The following PRCP variants were observed in gnomAD, a reference collection of about 807,000 sequenced individuals.
The protein encoded by PRCP is prolylcarboxypeptidase, also known as lysosomal Pro-X carboxypeptidase.
A neutral mutation model predicts 54.2 loss-of-function variants in PRCP; 46 were observed. The observed-to-expected ratio is 0.85, with a 90% CI of 0.67 to 1.09. PRCP has a LOEUF of 1.09. Among genes scored for constraint, PRCP ranks in the 50% least tolerant of loss-of-function variants. The probability of loss-of-function intolerance (pLI) is 0.00; values close to 1 mark genes in which losing one functional copy is unlikely to be tolerated. For synonymous variants in PRCP, 240 were observed against 212.2 expected, an observed-to-expected ratio of 1.13 and a Z score of -1.14; for missense variants, 613 against 596.8, an observed-to-expected ratio of 1.03 and a Z score of -0.28.
At chr11:82,881,311 T>C (rs1366305969) in intron 1 of PRCP, among the ~76,000 whole-genome samples, 2 of 152,260 alleles carry the variant, frequency 1.3e-5, no homozygotes. Context: ...TCTCACTTAA[T>C]GGCTGTGTGT....
chr11:82,896,176 A>G lies in PRCP; in HGVS notation c.168+4059T>C, dbSNP rs1190543236. Among the ~76,000 whole-genome samples the G allele has an allele frequency of 3.3e-5, 5 of 152,208 alleles. No homozygotes were observed. In the East Asian group the frequency reaches 7.7e-4, roughly 23 times the overall value. On this transcript the variant is annotated intron_variant, in intron 1 of 8. Transcript: ENST00000313010. ...TTTATGCACCATCCATGTGGCTTTC[A>G]TTTGTTACGACACTGAACTCTGACA... is the stretch of plus-strand genomic sequence containing the variant.
At position 82,844,331 on chromosome 11, in the gene PRCP, G is replaced by A. The variant is rs139189857; in HGVS notation, c.921+4718C>T. Among the ~76,000 whole-genome samples, 750 of 152,284 alleles carry A rather than the reference G, an allele frequency of 4.9e-3. 3 individuals carry two copies. Among genetic ancestry groups the A allele is most frequent in the Admixed American group, 6.6e-3 (101 of 15,308 alleles). On this transcript the variant is annotated intron_variant, in intron 6 of 8. Coordinates refer to ENST00000313010, the MANE Select transcript of PRCP (RefSeq NM_005040.4). Reference sequence around the variant, plus strand: ...CCAGTTACTCAGGAGGCTTAAGCAGGAGGATCCCTTGAGCCCAGGAGTTCA... The same window carrying A: ...CCAGTTACTCAGGAGGCTTAAGCAGAAGGATCCCTTGAGCCCAGGAGTTCA...
At chr11:82,838,722 C>T (rs1035299959) in intron 7 of PRCP, 148 bp from the exon 8 acceptor site, 24 of 681,704 alleles carry the variant, frequency 3.5e-5, no homozygotes, top group Admixed American at 2.1e-4. Flanking sequence ...TTTACTTCTG[C>T]GCCATATAAT....
rs750741679 is a variant in PRCP at position 82,850,001 on chromosome 11, C to T, written c.664G>A (p.Val222Ile). 98 of 1,557,310 alleles carry T rather than the reference C, an allele frequency of 6.3e-5. No individual in the cohort carries two copies. The highest frequency in any genetic ancestry group is 1.8e-4 in the Middle Eastern group (1 of 5,668). The change falls in exon 5 of 9, where the codon GTA becomes ATA. Residue 222 changes from valine (V) to isoleucine (I), a missense_variant. Val to Ile is a conservative substitution (Grantham distance 29). Transcript: ENST00000313010. The stretch of plus-strand genomic sequence containing the variant: ...CCGCTTTTCCTAAAATCTGTAGTTA[C>T]GATCTTCATAAATACACCACAAGGT... ...LVPCGVFMKIVTTDFRKSGPH... is the reference protein window; with the variant it reads ...LVPCGVFMKIITTDFRKSGPH...
At chr11:82,836,679 G>C (rs546458815) in intron 8 of PRCP, among the ~76,000 whole-genome samples, 17 of 152,248 alleles carry the variant, frequency 1.1e-4, no homozygotes, top group African/African-American at 4.1e-4. Flanking sequence ...CTCCTGAGTA[G>C]CTGAGACTGC....
At chr11:82,841,137 T>A (rs1390512605) in intron 6 of PRCP, among the ~76,000 whole-genome samples, 1 of 136,248 alleles carries the variant, frequency 7.3e-6, no homozygotes, top group Non-Finnish European at 1.6e-5. Context: ...GGGAGAGAGA[T>A]TCTGGGCAGC....
intron 1 of PRCP, among the ~76,000 whole-genome samples, chr11:82,885,792 A>G (rs7941770): frequency 7.9e-5 from 12 of 152,220 alleles, no homozygotes; most frequent in Non-Finnish European, 1.0e-4. Context: ...CACAAACTCT[A>G]TAACTTATTC....
At chr11:82,868,468 G>A (rs1859394728) in intron 1 of PRCP, among the ~76,000 whole-genome samples, 2 of 152,174 alleles carry the variant, frequency 1.3e-5, no homozygotes, top group Non-Finnish European at 1.5e-5. Context: ...CAACCAAGCA[G>A]TGGTGTGGTT....
chr11:82,867,717 A>AC (rs1367248059), intron 1 of PRCP, among the ~76,000 whole-genome samples: 4 of 152,058 alleles, frequency 2.6e-5, no homozygotes, highest in Non-Finnish European at 5.9e-5. Flanking sequence ...AAAGACCATT[A>AC]CTTTTTTTTT....
chr11:82,862,464 T>C (rs1027048123), intron 1 of PRCP, among the ~76,000 whole-genome samples: 1 of 152,190 alleles, frequency 6.6e-6, no homozygotes, highest in Non-Finnish European at 1.5e-5. Flanking sequence ...GGGTCAGACA[T>C]AGGCTGTTCC....
At chr11:82,843,466 C>T (rs985669699) in intron 6 of PRCP, among the ~76,000 whole-genome samples, 1 of 152,140 alleles carries the variant, frequency 6.6e-6, no homozygotes, top group Non-Finnish European at 1.5e-5. Context: ...TTTGTCTTAA[C>T]CTCATATAAT....
chr11:82,879,901 T>C (rs1350214330), intron 1 of PRCP, among the ~76,000 whole-genome samples: 6 of 152,192 alleles, frequency 3.9e-5, no homozygotes, highest in African/African-American at 1.4e-4. Context: ...CTGGAAGCTT[T>C]GTCTCAGAGG....
intron 1 of PRCP, among the ~76,000 whole-genome samples, chr11:82,861,102 G>A (rs1238890160): frequency 6.6e-6 from 1 of 152,004 alleles, no homozygotes; most frequent in African/African-American, 2.4e-5. Context: ...TTCTAAAAAG[G>A]AAAGAAAGGA....
chr11:82,870,008 G>T (rs1212935183), intron 1 of PRCP, among the ~76,000 whole-genome samples: 2 of 152,218 alleles, frequency 1.3e-5, no homozygotes, highest in South Asian at 2.1e-4. Context: ...GGCCAACATT[G>T]CAGGGAGTGC....
chr11:82,826,006 A>C (rs929497540), intron 8 of PRCP: 1 of 152,206 alleles, frequency 6.6e-6, no homozygotes, highest in African/African-American at 2.4e-5. Context: ...GTCCATCTAA[A>C]ACACATAATT....
chr11:82,861,628 C>G (rs1345680900), intron 1 of PRCP, among the ~76,000 whole-genome samples: 1 of 151,942 alleles, frequency 6.6e-6, no homozygotes, highest in African/African-American at 2.4e-5. Flanking sequence ...CTTAATCCAG[C>G]CTTTAGATCT....
intron 1 of PRCP, among the ~76,000 whole-genome samples, chr11:82,876,493 C>A (rs1384502842): frequency 6.6e-6 from 1 of 152,188 alleles, no homozygotes; most frequent in Non-Finnish European, 1.5e-5. Context: ...CAAATCTCAA[C>A]TTGAATTGTA....
intron 1 of PRCP, among the ~76,000 whole-genome samples, chr11:82,893,526 T>G (rs1591076122): frequency 1.3e-5 from 2 of 152,186 alleles, no homozygotes; most frequent in Non-Finnish European, 2.9e-5. Context: ...GTTTGATGGC[T>G]CCTGCCTGTA....
rs1859489388 is a variant in PRCP, at chr11:82,871,805, C to T, written c.169-11688G>A. On this transcript the variant is annotated intron_variant, in intron 1 of 8. Transcript: ENST00000313010. Reference sequence around the variant, plus strand: ...CACTATATTCTAAAGTCCTCCTAACCCTGCTCACACTGGATTAATTAACAT... The same window carrying T: ...CACTATATTCTAAAGTCCTCCTAACTCTGCTCACACTGGATTAATTAACAT... 2.6e-5 allele frequency among the ~76,000 whole-genome samples: 4 copies of T among 152,200 alleles called. 1 individual carries two copies. In the South Asian group the frequency reaches 8.3e-4, roughly 31 times the overall value.
Sources: allele counts gnomAD v4.1 joint callset (sites outside exome capture counted in the v4.1 genomes callset), GRCh38; gene constraint gnomAD v4.1.1; transcripts MANE v1.5; gene names NCBI Gene and HGNC (gene_info 2026-07-23, HGNC 2026-07-21).